The following ZNF729 variants were observed in gnomAD, a reference collection of about 807,000 sequenced individuals.
ZNF729 encodes zinc finger protein 729.
In ZNF729, 15 loss-of-function variants were observed where a neutral mutation model predicts 12.2. The ratio of observed to expected loss-of-function variants is 1.23; its 90% CI spans 0.82 to 1.89. The LOEUF (loss-of-function observed/expected upper bound fraction) is 1.89. ZNF729 is among the 40% of genes most tolerant of loss of function. The pLI, the probability that ZNF729 is intolerant of heterozygous loss-of-function variation, is 0.00. For missense variants in ZNF729, 1,540 were observed against 1,456.7 expected, an observed-to-expected ratio of 1.06 and a Z score of -0.93; for synonymous variants, 492 against 476.3, an observed-to-expected ratio of 1.03 and a Z score of -0.43.
intron 1 of ZNF729, among the ~76,000 whole-genome samples, chr19:22,303,265 T>C (rs780481881): frequency 6.6e-6 from 1 of 150,550 alleles, no homozygotes; most frequent in Non-Finnish European, 1.5e-5. Flanking sequence ...AAAGATTCTT[T>C]TTTGGGCCAA....
Position 22,315,082 on chromosome 19 carries a change from G to T in ZNF729, c.1665G>T (p.Trp555Cys). ...KCEECGKAFK[W>C]SSKLTVHKVI... ...AAGAATGTGGTAAAGCTTTTAAGTG[G>T]TCATCAAAACTTACTGTACATAAGG... Residue 555 changes from tryptophan (W) to cysteine (C), a missense_variant, in exon 4 of 4, where the codon TGG (tryptophan) becomes TGT (cysteine). Transcript: ENST00000601693. 1 of 1,608,794 alleles carries T rather than the reference G, an allele frequency of 6.2e-7. No individual in the cohort carries two copies. Among genetic ancestry groups the T allele is most frequent in the South Asian group, 1.1e-5 (1 of 90,918 alleles).
At position 22,315,884 on chromosome 19, in the gene ZNF729, C is replaced by T. The variant is rs1302659906; in HGVS notation, c.2467C>T (p.Pro823Ser). ...TAAGGTAATTCATACTGGAGAGAAA[C>T]CCTGCAAATGTGAAGAATGTGGCAA... Reference protein sequence around the residue: ...VHKVIHTGEKPCKCEECGKAF... With the variant: ...VHKVIHTGEKSCKCEECGKAF... Residue 823 changes from proline (P) to serine (S), a missense_variant, in exon 4 of 4, where the codon CCC becomes TCC. Coordinates refer to ENST00000601693, the MANE Select transcript of ZNF729 (RefSeq NM_001242680.2). 9 of 1,611,132 alleles carry T rather than the reference C, an allele frequency of 5.6e-6. No individual in the cohort carries two copies. Among genetic ancestry groups the T allele is most frequent in the Admixed American group, 5.0e-5 (3 of 59,974 alleles).
intron 1 of ZNF729, among the ~76,000 whole-genome samples, chr19:22,288,065 C>T (rs552238528): frequency 2.3e-4 from 35 of 152,148 alleles, no homozygotes; most frequent in Middle Eastern, 3.4e-3. Flanking sequence ...AGGCTGGTCT[C>T]GAACTCCTGA....
chr19:22,307,774 T>C (rs1968398964), intron 3 of ZNF729, among the ~76,000 whole-genome samples: 1 of 148,424 alleles, frequency 6.7e-6, no homozygotes, highest in South Asian at 2.1e-4. Context: ...TTTTCTTTTA[T>C]TACATCAAAA....
At position 22,303,678 on chromosome 19, in the gene ZNF729, A is replaced by T. The variant is rs561622501; in HGVS notation, c.31-80A>T. On this transcript the variant is annotated intron_variant, in intron 1 of 3. Transcript: ENST00000601693. ...TAGAATCTGTTCTCTTTATTCTCTCATTTCACCTTGAGTCAAATTAAAAAT... is the reference window on the plus strand; with the variant it reads ...TAGAATCTGTTCTCTTTATTCTCTCTTTTCACCTTGAGTCAAATTAAAAAT... The T allele has an allele frequency of 1.5e-5, 21 of 1,363,750 alleles. No individual in the cohort carries two copies. In the East Asian group the frequency reaches 6.4e-4, roughly 41 times the overall value. 84.5% of individuals were successfully genotyped at this position (1,363,750 alleles called of 1,614,324 possible).
intron 1 of ZNF729, among the ~76,000 whole-genome samples, chr19:22,297,300 C>T (rs1487239936): frequency 5.5e-5 from 8 of 144,636 alleles, no homozygotes; most frequent in Admixed American, 1.4e-4. Flanking sequence ...TTTTTTTTTT[C>T]CCATAAGCAT....
intron 1 of ZNF729, among the ~76,000 whole-genome samples, chr19:22,298,614 G>C (rs1968263433): frequency 6.6e-6 from 1 of 152,066 alleles, no homozygotes; most frequent in Non-Finnish European, 1.5e-5. Context: ...CCTGGGCTCA[G>C]GTGATTCTCC....
chr19:22,289,413 G>T (rs1313169675), intron 1 of ZNF729, among the ~76,000 whole-genome samples: 2 of 151,940 alleles, frequency 1.3e-5, no homozygotes, highest in African/African-American at 4.8e-5. Context: ...TTTTAATAGA[G>T]ATGGGGTTTC....
At chr19:22,305,204 ATAAGC>A (rs1968363676) in intron 3 of ZNF729, among the ~76,000 whole-genome samples, 1 of 152,132 alleles carries the variant, frequency 6.6e-6, no homozygotes, top group Non-Finnish European at 1.5e-5. Context: ...CACTGTGATC[ATAAGC>A]TTCCTGACCT....
chr19:22,309,830 C>A (rs116197720), intron 3 of ZNF729, among the ~76,000 whole-genome samples: 9 of 152,168 alleles, frequency 5.9e-5, no homozygotes, highest in Admixed American at 4.6e-4. Flanking sequence ...TGATTCTACT[C>A]ATCGATGAGC....
intron 1 of ZNF729, among the ~76,000 whole-genome samples, 186 bp downstream of exon 1, chr19:22,286,741 G>T (rs1568568957): frequency 1.3e-5 from 2 of 152,180 alleles, no homozygotes; most frequent in Non-Finnish European, 2.9e-5. Flanking sequence ...CGGGACCCTG[G>T]GCGACCTGTC....
At chr19:22,295,039 TG>T (rs1264260990) in intron 1 of ZNF729, among the ~76,000 whole-genome samples, 2 of 69,058 alleles carry the variant, frequency 2.9e-5, no homozygotes, top group Admixed American at 1.2e-4. Context: ...CCTAGATATT[TG>T]TGTGTGTGTG....
chr19:22,310,657 T>A (rs971310330), intron 3 of ZNF729, among the ~76,000 whole-genome samples: 1 of 152,170 alleles, frequency 6.6e-6, no homozygotes, highest in Non-Finnish European at 1.5e-5. Flanking sequence ...TGTGGTTTTC[T>A]TTTTTGGTTA....
At chr19:22,307,303 T>C (rs1392775526) in intron 3 of ZNF729, among the ~76,000 whole-genome samples, 1 of 148,164 alleles carries the variant, frequency 6.7e-6, no homozygotes, top group Non-Finnish European at 1.5e-5. Context: ...ACTGTGCGTG[T>C]CCACAATGTA....
chr19:22,313,773 A>G lies in ZNF729; in HGVS notation c.356A>G (p.Asn119Ser). 1.3e-6 allele frequency: 2 copies of G among 1,598,074 alleles called. No individual in the cohort carries two copies. The highest frequency in any genetic ancestry group is 8.5e-7 in the Non-Finnish European group (1 of 1,173,338). Reference sequence around the variant, plus strand: ...ACATATGCAAGATGTGGACATAAGAATTTACGATTAAGAAAAGATTGTAAA... The same window carrying G: ...ACATATGCAAGATGTGGACATAAGAGTTTACGATTAAGAAAAGATTGTAAA... The part of the protein sequence containing the change: ...LRTYARCGHK[N>S]LRLRKDCKSA... The change falls in exon 4 of 4, where the codon AAT becomes AGT. Residue 119 changes from asparagine (N) to serine (S), a missense_variant. Transcript: ENST00000601693.
chr19:22,296,490 GTT>G (rs71180537), intron 1 of ZNF729, among the ~76,000 whole-genome samples: 60,914 of 151,560 alleles, frequency 0.4, 12,560 homozygotes, highest in Non-Finnish European at 0.46. Context: ...GTCATTAACT[GTT>G]TATTTGAATC....
At chr19:22,308,687 A>ATTT (rs1968414323) in intron 3 of ZNF729, among the ~76,000 whole-genome samples, 2 of 151,846 alleles carry the variant, frequency 1.3e-5, no homozygotes, top group Admixed American at 1.3e-4. Flanking sequence ...AAAATTGTCT[A>ATTT]TTCATGTCCT....
In ZNF729 at chr19:22,314,082, C is replaced by T. The variant is rs1301281882; in HGVS notation, c.665C>T (p.Thr222Ile). ...ERGKAFKSFS[T>I]LTKHKIIHTE... ...GGCAAAGCCTTTAAATCGTTCTCAA[C>T]CCTTACTAAACATAAGATAATTCAT... is the stretch of plus-strand genomic sequence containing the variant. Residue 222 changes from threonine (T) to isoleucine (I), a missense_variant, in exon 4 of 4, where the codon ACC becomes ATC. Physicochemically the swap from Thr to Ile is moderately conservative, Grantham distance 89. Coordinates refer to ENST00000601693, the MANE Select transcript of ZNF729 (RefSeq NM_001242680.2). 6 of 1,545,580 alleles carry T rather than the reference C, an allele frequency of 3.9e-6. No individual in the cohort carries two copies. In the East Asian group the frequency reaches 1.5e-4, roughly 38 times the overall value.
chr19:22,287,987 A>C (rs1599750323), intron 1 of ZNF729, among the ~76,000 whole-genome samples: 1 of 151,908 alleles, frequency 6.6e-6, no homozygotes, highest in Non-Finnish European at 1.5e-5. Flanking sequence ...CTGGGACTAC[A>C]GGCATGTGCC....
Sources: gnomAD v4.1 joint callset for allele counts (sites outside exome capture counted in the v4.1 genomes callset) on GRCh38, gnomAD v4.1.1 for gene constraint, MANE v1.5 for transcripts, NCBI Gene and HGNC (gene_info 2026-07-23, HGNC 2026-07-21) for gene names.